The following PDZRN4 variants were observed in gnomAD, a reference collection of about 807,000 sequenced individuals.
PDZRN4 encodes the protein PDZ domain-containing RING finger protein 4.
PDZRN4 carries 70 observed loss-of-function variants against 99.0 expected under a neutral mutation model. That is an observed-to-expected ratio of 0.71 (90% CI 0.58 to 0.86). The LOEUF is 0.86. Ranked by LOEUF, PDZRN4 falls within the 40% of genes least tolerant of loss-of-function variation. The probability of loss-of-function intolerance (pLI) is 0.00; values close to 1 mark genes in which losing one functional copy is unlikely to be tolerated. For synonymous variants in PDZRN4, 551 were observed against 501.6 expected (o/e 1.10, Z -1.32); for missense variants, 1,474 against 1,331.2 (o/e 1.11, Z -1.67).
intron 3 of PDZRN4, among the ~76,000 whole-genome samples, chr12:41,339,776 A>G (rs182425895): frequency 3.9e-5 from 6 of 152,232 alleles, no homozygotes; most frequent in African/African-American, 1.2e-4. Context: ...CTGAATACAG[A>G]TTTCTCAAAA....
chr12:41,552,831 C>T, intron 6 of PDZRN4, 77 bp downstream of exon 6: 1 of 1,143,682 alleles, frequency 8.7e-7, no homozygotes, highest in Non-Finnish European at 1.3e-6. Context: ...AATGAGAAAA[C>T]CCTTCCTTCA....
At chr12:41,246,173 A>G (rs1422081449) in intron 3 of PDZRN4, among the ~76,000 whole-genome samples, 2 of 152,228 alleles carry the variant, frequency 1.3e-5, no homozygotes, top group African/African-American at 2.4e-5. Flanking sequence ...TGATTACATC[A>G]TTTCAATATT....
Position 41,199,193 on chromosome 12 carries a change from C to T in PDZRN4, c.843+5005C>T, listed in dbSNP as rs117603937. The stretch of plus-strand genomic sequence containing the variant: ...ATGCATAAGAAGCATTTACAAGTTT[C>T]TATAGGTCACCTGTAAATCTGCTGG... On this transcript the variant is annotated intron_variant, in intron 3 of 9. Transcript: ENST00000402685. 8.5e-5 allele frequency among the ~76,000 whole-genome samples: 13 copies of T among 152,232 alleles called. No homozygotes were observed. In the East Asian group the frequency reaches 2.5e-3, roughly 29 times the overall value.
At chr12:41,445,847 G>T (rs1444038394) in intron 3 of PDZRN4, among the ~76,000 whole-genome samples, 1 of 151,906 alleles carries the variant, frequency 6.6e-6, no homozygotes, top group African/African-American at 2.4e-5. Context: ...AGTAGCACTG[G>T]GTAGCAATCA....
chr12:41,546,995 A>C (rs1010766813), intron 5 of PDZRN4, among the ~76,000 whole-genome samples: 6 of 152,350 alleles, frequency 3.9e-5, no homozygotes, highest in Admixed American at 3.3e-4. Context: ...GATAGTTAGC[A>C]ATACCTTTAG....
intron 3 of PDZRN4, among the ~76,000 whole-genome samples, chr12:41,238,922 G>C (rs1020050963): frequency 3.9e-5 from 6 of 152,162 alleles, no homozygotes; most frequent in African/African-American, 1.4e-4. Flanking sequence ...CAAAGACCTA[G>C]AGGCAGAAAT....
intron 3 of PDZRN4, among the ~76,000 whole-genome samples, chr12:41,366,023 A>T (rs1373527663): frequency 6.6e-6 from 1 of 152,120 alleles, no homozygotes; most frequent in Non-Finnish European, 1.5e-5. Flanking sequence ...AAGGAGGCCA[A>T]GATAAATTTC....
At chr12:41,388,025 T>G (rs2121113504) in intron 3 of PDZRN4, among the ~76,000 whole-genome samples, 1 of 152,304 alleles carries the variant, frequency 6.6e-6, no homozygotes, top group Admixed American at 6.5e-5. Flanking sequence ...ACAAACTTAA[T>G]TGCCTATCCA....
At chr12:41,377,748 A>G (rs759652385) in intron 3 of PDZRN4, among the ~76,000 whole-genome samples, 1 of 152,110 alleles carries the variant, frequency 6.6e-6, no homozygotes, top group African/African-American at 2.4e-5. Context: ...ATTTGAGTCT[A>G]TTGTAAATGG....
intron 3 of PDZRN4, among the ~76,000 whole-genome samples, chr12:41,493,504 G>A (rs1937929286): frequency 6.6e-6 from 1 of 151,944 alleles, no homozygotes; most frequent in African/African-American, 2.4e-5. Context: ...CCACTTTTTT[G>A]CCCTGTCTTG....
At chr12:41,378,260 G>A (rs1262340299) in intron 3 of PDZRN4, among the ~76,000 whole-genome samples, 1 of 152,064 alleles carries the variant, frequency 6.6e-6, no homozygotes, top group Admixed American at 6.6e-5. Flanking sequence ...TCTTCTTCCT[G>A]TTAATACGAT....
At chr12:41,539,243 T>C (rs1194206624) in intron 5 of PDZRN4, among the ~76,000 whole-genome samples, 1 of 151,984 alleles carries the variant, frequency 6.6e-6, no homozygotes, top group Non-Finnish European at 1.5e-5. Context: ...TTCCTGCTTG[T>C]TTAAAAAATT....
intron 3 of PDZRN4, among the ~76,000 whole-genome samples, chr12:41,207,191 T>A (rs1453012153): frequency 1.3e-5 from 2 of 151,720 alleles, no homozygotes; most frequent in Non-Finnish European, 2.9e-5. Context: ...ATAATGCATA[T>A]CTTTTCTTAG....
chr12:41,523,783 C>T (rs1938528518), intron 5 of PDZRN4, among the ~76,000 whole-genome samples: 1 of 152,072 alleles, frequency 6.6e-6, no homozygotes. Flanking sequence ...GAAAGAACCA[C>T]CCACACAAAG....
chr12:41,268,536 C>T (rs1951294319), intron 3 of PDZRN4, among the ~76,000 whole-genome samples: 1 of 152,158 alleles, frequency 6.6e-6, no homozygotes, highest in Non-Finnish European at 1.5e-5. Context: ...TTAACATGGT[C>T]TCATTATTTG....
chr12:41,321,386 C>A (rs1016143656), intron 3 of PDZRN4, among the ~76,000 whole-genome samples: 1 of 152,128 alleles, frequency 6.6e-6, no homozygotes, highest in African/African-American at 2.4e-5. Context: ...GTTTTTAATG[C>A]TGTAATTTAT....
At chr12:41,223,129 G>T (rs953257702) in intron 3 of PDZRN4, among the ~76,000 whole-genome samples, 1 of 152,120 alleles carries the variant, frequency 6.6e-6, no homozygotes, top group Non-Finnish European at 1.5e-5. Context: ...CAACAGGTAG[G>T]TATTACAATA....
chr12:41,290,799 C>T (rs981049831), intron 3 of PDZRN4, among the ~76,000 whole-genome samples: 2 of 152,020 alleles, frequency 1.3e-5, no homozygotes, highest in African/African-American at 4.8e-5. Flanking sequence ...TATTTATTAC[C>T]TTTCCTGGGT....
intron 3 of PDZRN4, among the ~76,000 whole-genome samples, chr12:41,505,487 T>C (rs1034636723): frequency 1.3e-5 from 2 of 152,034 alleles, no homozygotes; most frequent in Admixed American, 6.6e-5. Context: ...TATTTGAGAG[T>C]GGTCTGTTTT....
Sources: gnomAD v4.1 joint callset for allele counts (sites outside exome capture counted in the v4.1 genomes callset) on GRCh38, gnomAD v4.1.1 for gene constraint, MANE v1.5 for transcripts, NCBI Gene and HGNC (gene_info 2026-07-23, HGNC 2026-07-21) for gene names.